The following ARHGAP15 variants were observed in gnomAD, a reference collection of about 807,000 sequenced individuals.
The protein encoded by ARHGAP15 is rho GTPase-activating protein 15.
A neutral mutation model predicts 63.7 loss-of-function variants in ARHGAP15; 51 were observed. That is an observed-to-expected ratio of 0.80 (90% CI 0.64 to 1.01). The LOEUF is 1.01. Among genes scored for constraint, ARHGAP15 ranks in the 50% least tolerant of loss-of-function variants. The probability of loss-of-function intolerance (pLI) is 0.00; values close to 1 mark genes in which losing one functional copy is unlikely to be tolerated. For synonymous variants in ARHGAP15, 191 were observed against 193.8 expected, an observed-to-expected ratio of 0.99 and a Z score of 0.12; for missense variants, 560 against 564.6, an observed-to-expected ratio of 0.99 and a Z score of 0.08.
intron 6 of ARHGAP15, among the ~76,000 whole-genome samples, chr2:143,352,423 A>G (rs988125163): frequency 6.6e-6 from 1 of 152,214 alleles, no homozygotes; most frequent in Non-Finnish European, 1.5e-5. Context: ...GGTTGCCTTC[A>G]AAACACCTAA....
At chr2:143,183,510 T>C (rs1372847969) in intron 2 of ARHGAP15, among the ~76,000 whole-genome samples, 1 of 152,126 alleles carries the variant, frequency 6.6e-6, no homozygotes, top group Non-Finnish European at 1.5e-5. Context: ...TTTGTACTGA[T>C]TCAAACATAT....
chr2:143,313,609 A>G (rs1486922915), intron 6 of ARHGAP15, among the ~76,000 whole-genome samples: 1 of 152,136 alleles, frequency 6.6e-6, no homozygotes, highest in Non-Finnish European at 1.5e-5. Context: ...CAAGAAGCAA[A>G]AATCAGAAAC....
chr2:143,296,754 T>C (rs1682648402), intron 6 of ARHGAP15, among the ~76,000 whole-genome samples: 1 of 151,798 alleles, frequency 6.6e-6, no homozygotes, highest in Non-Finnish European at 1.5e-5. Flanking sequence ...GGGTTTGTTG[T>C]ACTTACTATT....
chr2:143,487,322 A>C (rs760695688), intron 8 of ARHGAP15, 51 bp from the exon 9 acceptor site: 1 of 1,570,706 alleles, frequency 6.4e-7, no homozygotes, highest in Non-Finnish European at 8.6e-7. Flanking sequence ...ATAAAGTAAT[A>C]ATCATAAAGG....
chr2:143,435,739 TGTA>T (rs1445891849), intron 7 of ARHGAP15, 40 bp downstream of exon 7: 3 of 1,579,750 alleles, frequency 1.9e-6, no homozygotes, highest in Non-Finnish European at 2.6e-6. Context: ...TTAATTAAAA[TGTA>T]GTCATTTAAA....
chr2:143,309,316 G>C (rs1467258827), intron 6 of ARHGAP15, among the ~76,000 whole-genome samples: 1 of 152,040 alleles, frequency 6.6e-6, no homozygotes, highest in African/African-American at 2.4e-5. Context: ...GCAGCTGTTG[G>C]CTCTGCTGAG....
intron 9 of ARHGAP15, among the ~76,000 whole-genome samples, chr2:143,504,607 G>A (rs1388778768): frequency 2.6e-5 from 4 of 152,198 alleles, no homozygotes; most frequent in African/African-American, 9.7e-5. Flanking sequence ...GCTCCCTCCT[G>A]TGTAATCACA....
At chr2:143,279,491 C>A (rs936711538) in intron 6 of ARHGAP15, among the ~76,000 whole-genome samples, 7 of 152,072 alleles carry the variant, frequency 4.6e-5, no homozygotes, top group Admixed American at 3.9e-4. Context: ...CTTTCCAATC[C>A]CCATGATCTA....
chr2:143,468,364 G>GA (rs995025999), intron 8 of ARHGAP15, among the ~76,000 whole-genome samples: 20 of 151,460 alleles, frequency 1.3e-4, no homozygotes, highest in African/African-American at 2.4e-4. Context: ...ATCATTTGTG[G>GA]AAAAAAAAGC....
chr2:143,428,732 T>C (rs1689241133), intron 6 of ARHGAP15, among the ~76,000 whole-genome samples: 1 of 152,104 alleles, frequency 6.6e-6, no homozygotes, highest in Non-Finnish European at 1.5e-5. Flanking sequence ...GTTTGTTAAT[T>C]TGAATTTATT....
chr2:143,707,596 T>C (rs1190235440), intron 13 of ARHGAP15, among the ~76,000 whole-genome samples: 2 of 152,170 alleles, frequency 1.3e-5, no homozygotes, highest in African/African-American at 4.8e-5. Flanking sequence ...ATCTCGAGAA[T>C]GCAGACTTTT....
intron 10 of ARHGAP15, among the ~76,000 whole-genome samples, chr2:143,542,690 G>A (rs10175183): frequency 0.055 from 4,246 of 77,752 alleles, 230 homozygotes; most frequent in East Asian, 0.082. Context: ...ATGATATATA[G>A]TATCACATAT....
intron 4 of ARHGAP15, among the ~76,000 whole-genome samples, chr2:143,222,342 G>A (rs923997959): frequency 2.6e-5 from 4 of 152,190 alleles, no homozygotes; most frequent in Non-Finnish European, 4.4e-5. Flanking sequence ...AAGGCAGATG[G>A]ACCAAATAAG....
At chr2:143,338,851 A>G (rs1322629399) in intron 6 of ARHGAP15, among the ~76,000 whole-genome samples, 1 of 152,124 alleles carries the variant, frequency 6.6e-6, no homozygotes, top group Non-Finnish European at 1.5e-5. Flanking sequence ...CAAGCTATTC[A>G]ACCTTTCTAA....
chr2:143,490,290 C>T (rs562973479), intron 9 of ARHGAP15, among the ~76,000 whole-genome samples: 3 of 152,300 alleles, frequency 2.0e-5, no homozygotes, highest in African/African-American at 7.2e-5. Context: ...TGAGCCACCA[C>T]GCCCGGCCGG....
At chr2:143,327,873 C>T (rs1684328113) in intron 6 of ARHGAP15, among the ~76,000 whole-genome samples, 1 of 149,360 alleles carries the variant, frequency 6.7e-6, no homozygotes, top group African/African-American at 2.5e-5. Flanking sequence ...GGCTAATACC[C>T]AGAATCTACA....
In ARHGAP15 at chr2:143,399,637, A is replaced by T. The variant is rs562936787; in HGVS notation, c.475-35964A>T. 3.9e-5 allele frequency among the ~76,000 whole-genome samples: 6 copies of T among 152,180 alleles called. No homozygotes were observed. The South Asian group carries it at 1.2e-3, about 32-fold the overall frequency. ...ATATCTCTGTGAAATAGGTGCCACC[A>T]GATTTTTACAGCTGGGAAAAAAGCC... On this transcript the variant is annotated intron_variant, in intron 6 of 13. Transcript: ENST00000295095.
intron 6 of ARHGAP15, among the ~76,000 whole-genome samples, chr2:143,278,397 G>A (rs896506403): frequency 3.9e-5 from 6 of 152,110 alleles, no homozygotes; most frequent in Admixed American, 2.6e-4. Flanking sequence ...TATAACCTGC[G>A]AGAGGAATGG....
At chr2:143,740,509 C>T (rs35724434) in intron 13 of ARHGAP15, among the ~76,000 whole-genome samples, 3 of 152,152 alleles carry the variant, frequency 2.0e-5, no homozygotes, top group Non-Finnish European at 4.4e-5. Flanking sequence ...CCTGAAATTG[C>T]AGTGTAAAAA....
Sources: allele counts gnomAD v4.1 joint callset (sites outside exome capture counted in the v4.1 genomes callset), GRCh38; gene constraint gnomAD v4.1.1; transcripts MANE v1.5; gene names NCBI Gene and HGNC (gene_info 2026-07-23, HGNC 2026-07-21).